Variants in CACNA1C observed in about 807,000 individuals in gnomAD.
The protein encoded by CACNA1C is voltage-dependent L-type calcium channel subunit alpha-1C.
In CACNA1C, 30 loss-of-function variants were observed where a neutral mutation model predicts 229.0. The ratio of observed to expected loss-of-function variants is 0.13; its 90% CI spans 0.10 to 0.18. The LOEUF (loss-of-function observed/expected upper bound fraction) is 0.18, where lower values mean the gene tolerates loss of function less well. Ranked by LOEUF, CACNA1C falls within the 10% of genes least tolerant of loss-of-function variation. CACNA1C has a pLI of 1.00. For synonymous variants in CACNA1C, 1,114 were observed against 1,132.5 expected, an observed-to-expected ratio of 0.98 and a Z score of 0.33; for missense variants, 1,658 against 2,845.0, an observed-to-expected ratio of 0.58 and a Z score of 9.49.
chr12:2,145,497 C>T lies in CACNA1C; in HGVS notation c.477+25067C>T, dbSNP rs1436619439. ...TAGATTTGAAATCTATTCTTGGTTA[C>T]GTTTATAGCTTCAACACGCCTCTCA... On this transcript the variant is annotated intron_variant, in intron 3 of 46. Coordinates refer to ENST00000399655, the MANE Select transcript of CACNA1C (RefSeq NM_000719.7). 3.3e-5 allele frequency among the ~76,000 whole-genome samples: 5 copies of T among 151,170 alleles called. 1 individual carries two copies. Among genetic ancestry groups the T allele is most frequent in the Non-Finnish European group, 7.4e-5 (5 of 67,618 alleles).
At chr12:2,061,185 G>A (rs189709124) in intron 1 of CACNA1C, among the ~76,000 whole-genome samples, 42 of 148,368 alleles carry the variant, frequency 2.8e-4, no homozygotes, top group African/African-American at 1.0e-3. Flanking sequence ...AATTCACTTC[G>A]CAGGGCAGCT....
Position 2,354,327 on chromosome 12 carries a change from G to T in CACNA1C, c.478-94649G>T, listed in dbSNP as rs1022248414. On this transcript the variant is annotated intron_variant, in intron 3 of 46. Coordinates refer to ENST00000399655, the MANE Select transcript of CACNA1C (RefSeq NM_000719.7). This position sits in a 1 kb window ranked among gnomAD's most constrained non-coding sequence, Gnocchi z 4.6. The stretch of plus-strand genomic sequence containing the variant: ...GAGCAGAAAGCCACGCACACAGCTT[G>T]TGTTTCCTCTGGCGCCTCTAGGTCG... 2.6e-5 allele frequency among the ~76,000 whole-genome samples: 4 copies of T among 152,168 alleles called. No individual in the cohort carries two copies. Among genetic ancestry groups the T allele is most frequent in the Non-Finnish European group, 5.9e-5 (4 of 68,036 alleles).
intron 10 of CACNA1C, among the ~76,000 whole-genome samples, chr12:2,555,564 T>C (rs1568399275): frequency 6.6e-6 from 1 of 152,214 alleles, no homozygotes; most frequent in Non-Finnish European, 1.5e-5. Context: ...GGGAAACATT[T>C]GTTTGCTGGT....
At chr12:2,362,492 C>G (rs1240129808) in intron 3 of CACNA1C, among the ~76,000 whole-genome samples, 2 of 152,204 alleles carry the variant, frequency 1.3e-5, no homozygotes, top group African/African-American at 4.8e-5. Context: ...CCTAGTCTAG[C>G]TAATCCTCAA....
rs978011663 is a variant in CACNA1C, at chr12:2,696,622, C to G, written c.*5423C>G. ...ATTATCCAAAAAAAAAAAAAAAAAG[C>G]TCTGGGTGGAAGAGTTTGTAAGTTT... On this transcript the variant is annotated 3_prime_UTR_variant, in exon 47 of 47. Coordinates refer to ENST00000399655, the MANE Select transcript of CACNA1C (RefSeq NM_000719.7). 1.3e-5 allele frequency: 2 copies of G among 148,190 alleles called. No homozygotes were observed. The highest frequency in any genetic ancestry group is 5.0e-5 in the African/African-American group (2 of 39,924). The allele number at this position is 148,190 out of a possible 1,614,324, so 9.2% of individuals were successfully genotyped here.
At chr12:2,611,304 G>A (rs1469826509) in intron 28 of CACNA1C, among the ~76,000 whole-genome samples, 1 of 141,702 alleles carries the variant, frequency 7.1e-6, no homozygotes, top group African/African-American at 2.7e-5. Flanking sequence ...TGGAGAGAGG[G>A]GAGGAGATGG....
chr12:2,551,165 T>G (rs1417423262), intron 10 of CACNA1C, among the ~76,000 whole-genome samples: 2 of 152,114 alleles, frequency 1.3e-5, no homozygotes, highest in Non-Finnish European at 2.9e-5. Flanking sequence ...TTCTGTTGTC[T>G]TGCCACCAAG....
chr12:2,016,707 G>A (rs1301153625), intron 1 of CACNA1C, among the ~76,000 whole-genome samples: 3 of 152,172 alleles, frequency 2.0e-5, no homozygotes, highest in Non-Finnish European at 4.4e-5. Flanking sequence ...TGAGATTACA[G>A]GCGTGAGCCA....
intron 3 of CACNA1C, among the ~76,000 whole-genome samples, chr12:2,147,593 G>A (rs544151867): frequency 1.3e-5 from 2 of 151,364 alleles, no homozygotes; most frequent in African/African-American, 4.8e-5. Context: ...AGAGAGTGGA[G>A]AGAGTAAAGA....
chr12:2,499,661 C>G (rs547624381), intron 7 of CACNA1C, among the ~76,000 whole-genome samples: 1 of 152,320 alleles, frequency 6.6e-6, no homozygotes, highest in Non-Finnish European at 1.5e-5. Context: ...CCTGCCAGTA[C>G]TTGGGCCTGG....
chr12:2,673,876 G>A (rs894762181), intron 38 of CACNA1C, among the ~76,000 whole-genome samples: 3 of 152,208 alleles, frequency 2.0e-5, no homozygotes, highest in African/African-American at 7.2e-5. Flanking sequence ...ATCTATGATG[G>A]TCAGGGGCCC....
intron 10 of CACNA1C, chr12:2,550,409 T>G: frequency 4.7e-6 from 3 of 636,426 alleles, no homozygotes; most frequent in South Asian, 1.7e-5. Context: ...GACAGCGAGG[T>G]TAGGGCCCTG....
chr12:2,135,621 G>C (rs1284388261), intron 3 of CACNA1C, among the ~76,000 whole-genome samples: 1 of 140,062 alleles, frequency 7.1e-6, no homozygotes, highest in African/African-American at 3.0e-5. Context: ...GGCTGCTCAG[G>C]GGTCAGGGGT....
chr12:2,080,526 G>A (rs141787859), intron 1 of CACNA1C, among the ~76,000 whole-genome samples: 1,867 of 151,638 alleles, frequency 0.012, 26 homozygotes, highest in African/African-American at 0.042. Context: ...GCATGAACCC[G>A]GGAGGCGGAG....
At chr12:2,474,868 T>C (rs895856626) in intron 5 of CACNA1C, among the ~76,000 whole-genome samples, 4 of 152,148 alleles carry the variant, frequency 2.6e-5, no homozygotes. Context: ...CGAGGACAAT[T>C]AGAAATGCTG....
chr12:2,191,067 G>T (rs529597501), intron 3 of CACNA1C, among the ~76,000 whole-genome samples: 2 of 152,142 alleles, frequency 1.3e-5, no homozygotes, highest in African/African-American at 4.8e-5. Flanking sequence ...GGAAGAGCAG[G>T]TGTGGTGCAC....
chr12:2,079,226 A>G (rs905581576), intron 1 of CACNA1C, among the ~76,000 whole-genome samples: 1 of 152,120 alleles, frequency 6.6e-6, no homozygotes, highest in Non-Finnish European at 1.5e-5. Context: ...ACATGTATAC[A>G]TATGTGACAA....
chr12:2,110,586 A>G (rs2081271644), intron 1 of CACNA1C, among the ~76,000 whole-genome samples: 1 of 152,166 alleles, frequency 6.6e-6, no homozygotes, highest in African/African-American at 2.4e-5. Context: ...CAGGGACACA[A>G]TGCTGCCTGC....
At chr12:1,993,284 A>C in intron 1 of CACNA1C, 1 of 1,614,180 alleles carries the variant, frequency 6.2e-7, no homozygotes, top group Non-Finnish European at 8.5e-7. Flanking sequence ...TCTGTAGAGA[A>C]GGAAAGGGTC....
Sources: allele counts gnomAD v4.1 joint callset (sites outside exome capture counted in the v4.1 genomes callset), GRCh38; gene constraint gnomAD v4.1.1; non-coding constraint Gnocchi (gnomAD v3.1); transcripts MANE v1.5; gene names NCBI Gene and HGNC (gene_info 2026-07-23, HGNC 2026-07-21).